The following IMPG1 variants were observed in gnomAD, a reference collection of about 807,000 sequenced individuals.
The protein encoded by IMPG1 is interphotoreceptor matrix proteoglycan 1.
IMPG1 carries 85 observed loss-of-function variants against 92.0 expected under a neutral mutation model. The observed-to-expected ratio is 0.92, with a 90% CI of 0.78 to 1.11. The LOEUF is 1.11. Among genes scored for constraint, IMPG1 ranks in the 50% least tolerant of loss-of-function variants. IMPG1 has a pLI of 0.00. For missense variants in IMPG1, 1,022 were observed against 956.0 expected (o/e 1.07, Z -0.91); for synonymous variants, 367 against 334.1 (o/e 1.10, Z -1.08).
At chr6:75,951,223 ATTT>A in intron 12 of IMPG1, 129 bp from the exon 13 acceptor site, 6 of 581,828 alleles carry the variant, frequency 1.0e-5, no homozygotes, top group South Asian at 4.8e-5. Flanking sequence ...TTCAATAGTC[ATTT>A]TTTTTTTTTT....
chr6:76,005,149 G>T (rs1783070830), intron 10 of IMPG1, 138 bp downstream of exon 10: 1 of 816,674 alleles, frequency 1.2e-6, no homozygotes, highest in Non-Finnish European at 2.0e-6. Context: ...AGCTAGAAAT[G>T]ATACCATATG....
At chr6:76,033,015 A>G (rs775510086) in intron 4 of IMPG1, among the ~76,000 whole-genome samples, 3 of 152,166 alleles carry the variant, frequency 2.0e-5, no homozygotes, top group Non-Finnish European at 4.4e-5. Context: ...TAAAGGGATT[A>G]TTTATGAAGT....
At chr6:75,946,946 C>T (rs139863430) in intron 14 of IMPG1, among the ~76,000 whole-genome samples, 5 of 152,160 alleles carry the variant, frequency 3.3e-5, no homozygotes, top group African/African-American at 1.2e-4. Flanking sequence ...GAGGTTGTTG[C>T]AGAGCACTGA....
At chr6:75,923,143 A>T (rs184918049) in intron 16 of IMPG1, among the ~76,000 whole-genome samples, 1 of 152,228 alleles carries the variant, frequency 6.6e-6, no homozygotes, top group African/African-American at 2.4e-5. Flanking sequence ...TGATTAAGTG[A>T]ATATTTTAAG....
rs1021561687 is a variant in IMPG1, at chr6:75,972,286, G to A, written c.1292-21192C>T. Among the ~76,000 whole-genome samples the A allele has an allele frequency of 3.3e-5, 5 of 152,110 alleles. No individual in the cohort carries two copies. In the South Asian group the frequency reaches 6.2e-4, roughly 19 times the overall value. ...CCCTCCCAACCAACATGCAAGATAC[G>A]TACATTCTGTAAAGAAGTATCACTT... On this transcript the variant is annotated intron_variant, in intron 12 of 16. Coordinates refer to ENST00000369950, the MANE Select transcript of IMPG1 (RefSeq NM_001563.4).
intron 15 of IMPG1, among the ~76,000 whole-genome samples, chr6:75,928,930 C>T (rs886824450): frequency 3.9e-5 from 6 of 152,090 alleles, no homozygotes; most frequent in East Asian, 3.8e-4. Flanking sequence ...GTTATTTTTC[C>T]GTCTATGGCA....
At chr6:75,996,080 TAAAG>T (rs1225017903) in intron 12 of IMPG1, among the ~76,000 whole-genome samples, 1 of 152,194 alleles carries the variant, frequency 6.6e-6, no homozygotes, top group African/African-American at 2.4e-5. Flanking sequence ...TCCTGGAACA[TAAAG>T]AGTTTGCTTG....
chr6:75,982,472 G>A (rs1404574760), intron 12 of IMPG1, among the ~76,000 whole-genome samples: 13 of 151,534 alleles, frequency 8.6e-5, no homozygotes, highest in East Asian at 1.9e-4. Context: ...CCCGGGAGGC[G>A]GAGGTTGCAG....
chr6:76,040,656 C>G (rs1783819937), intron 2 of IMPG1, among the ~76,000 whole-genome samples: 2 of 152,170 alleles, frequency 1.3e-5, no homozygotes, highest in Non-Finnish European at 2.9e-5. Context: ...AGACTGTGAT[C>G]CAGTAGTTTT....
chr6:76,049,476 G>T, intron 1 of IMPG1, among the ~76,000 whole-genome samples: 1 of 151,758 alleles, frequency 6.6e-6, no homozygotes, highest in Admixed American at 6.6e-5. Flanking sequence ...CTCTCTCTCT[G>T]TCTCTCTCTC....
chr6:75,995,580 G>C (rs770482989), intron 12 of IMPG1, among the ~76,000 whole-genome samples: 12 of 152,176 alleles, frequency 7.9e-5, no homozygotes, highest in Non-Finnish European at 8.8e-5. Context: ...TTCCTTAAGA[G>C]AGTCAATTGG....
chr6:76,014,831 G>A (rs970055750), intron 7 of IMPG1, among the ~76,000 whole-genome samples: 10 of 152,144 alleles, frequency 6.6e-5, no homozygotes, highest in Non-Finnish European at 1.0e-4. Flanking sequence ...TGGGTGGAAG[G>A]GATTTATTGT....
At chr6:75,924,514 A>T (rs1781491677) in intron 15 of IMPG1, among the ~76,000 whole-genome samples, 1 of 73,732 alleles carries the variant, frequency 1.4e-5, no homozygotes, top group South Asian at 3.3e-4. Context: ...AATATAATTA[A>T]TATAATTATA....
In IMPG1 at chr6:75,921,189, TAGAGAC is replaced by T. The variant is rs1396676661; in HGVS notation, c.*894_*899del. 8 of 152,210 alleles carry T rather than the reference TAGAGAC, an allele frequency of 5.3e-5. No individual in the cohort carries two copies. In the East Asian group the frequency reaches 7.7e-4, roughly 15 times the overall value. The allele number at this position is 152,210 out of a possible 1,614,324, so 9.4% of individuals were successfully genotyped here. A position where few individuals can be genotyped will look rare whatever the true frequency, so the allele number is the denominator to read the frequency against. On this transcript the variant is annotated 3_prime_UTR_variant, in exon 17 of 17. Coordinates refer to ENST00000369950, the MANE Select transcript of IMPG1 (RefSeq NM_001563.4). ...CTGATATTAGAACATTTGAAAGAGA[TAGAGAC>T]AGATTCATTTTCATTAAGCAGCACA... is the stretch of plus-strand genomic sequence containing the variant.
chr6:75,930,916 A>C, intron 15 of IMPG1, 37 bp downstream of exon 15: 1 of 1,543,564 alleles, frequency 6.5e-7, no homozygotes, highest in Non-Finnish European at 8.9e-7. Flanking sequence ...GTAAGTAATG[A>C]GTTCTTGAGT....
At chr6:76,060,631 C>T (rs569301374) in intron 1 of IMPG1, among the ~76,000 whole-genome samples, 1 of 152,264 alleles carries the variant, frequency 6.6e-6, no homozygotes, top group East Asian at 1.9e-4. Flanking sequence ...AACTTAGGTC[C>T]AGTGGTTGCT....
chr6:76,021,610 T>C (rs1396006166), intron 6 of IMPG1, among the ~76,000 whole-genome samples: 1 of 151,844 alleles, frequency 6.6e-6, no homozygotes, highest in Non-Finnish European at 1.5e-5. Context: ...TATTTTTCCC[T>C]AGTTTTACAC....
At chr6:75,966,399 A>G (rs1275775596) in intron 12 of IMPG1, among the ~76,000 whole-genome samples, 1 of 152,194 alleles carries the variant, frequency 6.6e-6, no homozygotes, top group East Asian at 1.9e-4. Flanking sequence ...CATGTCATGA[A>G]TGAATTAATG....
At chr6:76,008,549 A>G (rs1209404433) in intron 8 of IMPG1, among the ~76,000 whole-genome samples, 1 of 152,186 alleles carries the variant, frequency 6.6e-6, no homozygotes, top group Non-Finnish European at 1.5e-5. Context: ...GCAAGGAAGA[A>G]TCTAACTAGT....
Sources: allele counts gnomAD v4.1 joint callset (sites outside exome capture counted in the v4.1 genomes callset), GRCh38; gene constraint gnomAD v4.1.1; transcripts MANE v1.5; gene names NCBI Gene and HGNC (gene_info 2026-07-23, HGNC 2026-07-21).